The following PAN3 variants were observed in gnomAD, a reference collection of about 807,000 sequenced individuals.
PAN3 encodes PAN2-PAN3 deadenylation complex subunit PAN3.
PAN3 carries 19 observed loss-of-function variants against 96.2 expected under a neutral mutation model. That is an observed-to-expected ratio of 0.20 (90% CI 0.14 to 0.29). PAN3 has a LOEUF of 0.29. Among genes scored for constraint, PAN3 ranks in the 10% least tolerant of loss-of-function variants. The pLI is 1.00. For synonymous variants in PAN3, 433 were observed against 406.6 expected (o/e 1.06, Z -0.78); for missense variants, 882 against 1,108.1 (o/e 0.80, Z 2.90).
At chr13:28,167,469 A>AT (rs1420053535) in intron 1 of PAN3, among the ~76,000 whole-genome samples, 2 of 151,906 alleles carry the variant, frequency 1.3e-5, no homozygotes, top group South Asian at 2.1e-4. Flanking sequence ...CCCAATACCC[A>AT]TTTTTAATCT....
In PAN3 at chr13:28,223,936, G is replaced by A. The variant is rs377365052; in HGVS notation, c.1000+3558G>A. 8.4e-4 allele frequency among the ~76,000 whole-genome samples: 111 copies of A among 132,934 alleles called. No individual in the cohort carries two copies. The East Asian group carries it at 0.017, about 20-fold the overall frequency. 87.2% of individuals were successfully genotyped at this position (132,934 alleles called of 152,430 possible). ...CTCTCTGTCTCCCAGGCTGGAGTGC[G>A]TGGCTCATTCCAAGCTCGGCCTGCC... On this transcript the variant is annotated intron_variant, in intron 6 of 18. Coordinates refer to ENST00000380958, the MANE Select transcript of PAN3 (RefSeq NM_175854.8).
chr13:28,162,141 G>A (rs1872955795), intron 1 of PAN3, among the ~76,000 whole-genome samples: 1 of 152,184 alleles, frequency 6.6e-6, no homozygotes, highest in Non-Finnish European at 1.5e-5. Context: ...GAAAGTAGAT[G>A]CTACTGTTTT....
chr13:28,274,180 C>G (rs1419841777), intron 14 of PAN3, among the ~76,000 whole-genome samples: 1 of 152,166 alleles, frequency 6.6e-6, no homozygotes, highest in African/African-American at 2.4e-5. Context: ...GTTTTTCCCC[C>G]AGCAGCATCA....
chr13:28,198,954 C>T (rs1401685695), intron 5 of PAN3, among the ~76,000 whole-genome samples: 1 of 152,114 alleles, frequency 6.6e-6, no homozygotes, highest in Non-Finnish European at 1.5e-5. Context: ...AGTATTTGCT[C>T]CAGCTGATAT....
chr13:28,285,641 G>A (rs1320652482), intron 17 of PAN3, among the ~76,000 whole-genome samples: 8 of 152,224 alleles, frequency 5.3e-5, no homozygotes, highest in African/African-American at 1.9e-4. Flanking sequence ...TCAGATGTTA[G>A]ACCTTTGCAA....
intron 1 of PAN3, among the ~76,000 whole-genome samples, chr13:28,162,316 G>T (rs896728071): frequency 6.6e-6 from 1 of 152,162 alleles, no homozygotes; most frequent in African/African-American, 2.4e-5. Context: ...GGGTAGAGGA[G>T]CCCCTGTTTC....
Position 28,277,332 on chromosome 13 carries a change from A to G in PAN3, c.2145A>G (p.Glu715=). The stretch of plus-strand genomic sequence containing the variant: ...GAGAGAATTTACAGAAAGCCATGGA[A>G]CTGGTGACAATCAACTATTCCTCTG... ...IQRENLQKAM[E]LVTINYSSDL... The change falls in exon 15 of 19, where the codon GAA becomes GAG. Residue 715 remains glutamate, a synonymous_variant. Transcript: ENST00000380958. 1 of 1,613,486 alleles carries G rather than the reference A, an allele frequency of 6.2e-7. No homozygotes were observed. The highest frequency in any genetic ancestry group is 8.5e-7 in the Non-Finnish European group (1 of 1,179,674).
At chr13:28,212,764 G>A (rs962993916) in intron 5 of PAN3, among the ~76,000 whole-genome samples, 1 of 152,144 alleles carries the variant, frequency 6.6e-6, no homozygotes, top group Non-Finnish European at 1.5e-5. Context: ...GAACTTGAAG[G>A]CATAGCAATA....
chr13:28,239,899 T>C, intron 6 of PAN3: 1 of 317,828 alleles, frequency 3.1e-6, no homozygotes, highest in Non-Finnish European at 6.2e-6. Flanking sequence ...CCAGCAAGAA[T>C]TTGTATGCAC....
intron 1 of PAN3, among the ~76,000 whole-genome samples, chr13:28,163,062 G>A (rs1873084837): frequency 6.7e-6 from 1 of 149,782 alleles, no homozygotes; most frequent in Admixed American, 6.6e-5. Flanking sequence ...TTTTTTTTTT[G>A]AGACAGCATC....
rs557183473 is a variant in PAN3, at chr13:28,275,297, G to A, written c.2050-1940G>A. 7.9e-5 allele frequency among the ~76,000 whole-genome samples: 12 copies of A among 152,294 alleles called. No individual in the cohort carries two copies. The East Asian group carries it at 1.9e-3, about 24-fold the overall frequency. ...GTCCGCTTTAGAGAGGTGATGGGAT[G>A]TACTAAAAATCAGATGTTATTTTTT... On this transcript the variant is annotated intron_variant, in intron 14 of 18. Coordinates refer to ENST00000380958, the MANE Select transcript of PAN3 (RefSeq NM_175854.8).
chr13:28,169,833 G>A (rs1874076557), intron 1 of PAN3, among the ~76,000 whole-genome samples: 1 of 151,870 alleles, frequency 6.6e-6, no homozygotes. Flanking sequence ...TGGATCATGA[G>A]GTCAGGAGTT....
At chr13:28,216,697 C>T (rs1197670784) in intron 5 of PAN3, among the ~76,000 whole-genome samples, 1 of 152,120 alleles carries the variant, frequency 6.6e-6, no homozygotes, top group African/African-American at 2.4e-5. Flanking sequence ...CTCATTCATC[C>T]CATCATTGTA....
At chr13:28,174,708 A>G (rs1170242564) in intron 2 of PAN3, among the ~76,000 whole-genome samples, 1 of 152,194 alleles carries the variant, frequency 6.6e-6, no homozygotes, top group African/African-American at 2.4e-5. Context: ...TTATGTTTTA[A>G]GCAGGTTATA....
At chr13:28,278,897 A>T (rs1365750298) in intron 15 of PAN3, among the ~76,000 whole-genome samples, 1 of 152,112 alleles carries the variant, frequency 6.6e-6, no homozygotes, top group Non-Finnish European at 1.5e-5. Context: ...TCATTTATCC[A>T]CAAAAATGAT....
intron 6 of PAN3, among the ~76,000 whole-genome samples, chr13:28,255,347 G>T (rs933666299): frequency 6.6e-6 from 1 of 152,024 alleles, no homozygotes; most frequent in Non-Finnish European, 1.5e-5. Flanking sequence ...TAATTAATTT[G>T]CATTTCATCA....
intron 2 of PAN3, among the ~76,000 whole-genome samples, chr13:28,175,877 C>G (rs539799952): frequency 6.6e-6 from 1 of 152,110 alleles, no homozygotes; most frequent in South Asian, 2.1e-4. Context: ...GTTGAGTAAA[C>G]AGATTCAGGA....
At chr13:28,291,043 G>A (rs539999646) in intron 18 of PAN3, among the ~76,000 whole-genome samples, 1 of 152,264 alleles carries the variant, frequency 6.6e-6, no homozygotes, top group South Asian at 2.1e-4. Flanking sequence ...CTAGCTAGTA[G>A]TAAATAATAC....
intron 1 of PAN3, among the ~76,000 whole-genome samples, chr13:28,139,514 TTGTGTGTGTGTGTGTGTG>T (rs10577740): frequency 6.4e-5 from 6 of 93,100 alleles, no homozygotes; most frequent in Non-Finnish European, 1.2e-4. Flanking sequence ...AGGGGTGTGT[TTGTGTGTGTGTGTGTGTG>T]TGTGTGTGTG....
Sources: allele counts gnomAD v4.1 joint callset (sites outside exome capture counted in the v4.1 genomes callset), GRCh38; gene constraint gnomAD v4.1.1; transcripts MANE v1.5; gene names NCBI Gene and HGNC (gene_info 2026-07-23, HGNC 2026-07-21).